DSCAM: variants seen among roughly 807,000 people sequenced by gnomAD.
DSCAM encodes DS cell adhesion molecule, also known as cell adhesion molecule DSCAM.
A neutral mutation model predicts 217.7 loss-of-function variants in DSCAM; 47 were observed. The ratio of observed to expected loss-of-function variants is 0.22; its 90% CI spans 0.17 to 0.28. The LOEUF (loss-of-function observed/expected upper bound fraction) is 0.28. Ranked by LOEUF, DSCAM falls within the 10% of genes least tolerant of loss-of-function variation. The pLI is 1.00. For missense variants in DSCAM, 2,080 were observed against 2,618.3 expected, an observed-to-expected ratio of 0.79 and a Z score of 4.49; for synonymous variants, 1,056 against 1,015.3, an observed-to-expected ratio of 1.04 and a Z score of -0.76.
chr21:40,419,437 C>T (rs1453443096), intron 3 of DSCAM, among the ~76,000 whole-genome samples: 1 of 152,106 alleles, frequency 6.6e-6, no homozygotes, highest in Admixed American at 6.6e-5. Flanking sequence ...AGTTTTCTAA[C>T]TGTGCAGGCT....
intron 8 of DSCAM, among the ~76,000 whole-genome samples, chr21:40,334,975 C>A (rs989537103): frequency 6.6e-6 from 1 of 152,032 alleles, no homozygotes; most frequent in African/African-American, 2.4e-5. Context: ...TGACTCAGGG[C>A]CTTTTAGTGT....
intron 3 of DSCAM, among the ~76,000 whole-genome samples, chr21:40,493,863 CAA>C (rs57564776): frequency 0.012 from 1,504 of 125,396 alleles, 29 homozygotes; most frequent in East Asian, 0.049. Context: ...AACTCCATCT[CAA>C]AAAAAAAAAA....
intron 3 of DSCAM, among the ~76,000 whole-genome samples, chr21:40,541,709 G>A (rs1016885236): frequency 6.6e-6 from 1 of 152,092 alleles, no homozygotes; most frequent in Non-Finnish European, 1.5e-5. Flanking sequence ...GTCATTACAT[G>A]TATTAAAATG....
In DSCAM at chr21:40,417,624, G is replaced by C. The variant is rs140667890; in HGVS notation, c.509-48379C>G. 2.1e-3 allele frequency among the ~76,000 whole-genome samples: 318 copies of C among 152,084 alleles called. 1 individual carries two copies. The highest frequency in any genetic ancestry group is 7.3e-3 in the African/African-American group (303 of 41,488). ...TAAATAACTCATATTTTATCTTATT[G>C]CTATAGTATGGAATTTAGCTATAAT... On this transcript the variant is annotated intron_variant, in intron 3 of 32. Transcript: ENST00000400454.
chr21:40,221,314 C>T (rs1432579401), intron 11 of DSCAM, among the ~76,000 whole-genome samples: 1 of 151,604 alleles, frequency 6.6e-6, no homozygotes, highest in African/African-American at 2.4e-5. Context: ...TTACTCAGAT[C>T]CAAGATCTAG....
At chr21:40,162,397 T>C (rs991022243) in intron 16 of DSCAM, among the ~76,000 whole-genome samples, 1 of 152,198 alleles carries the variant, frequency 6.6e-6, no homozygotes, top group Non-Finnish European at 1.5e-5. Flanking sequence ...AAGACTGCCT[T>C]TTCCAAGGTA....
chr21:40,310,979 T>C (rs1360888519), intron 9 of DSCAM, among the ~76,000 whole-genome samples: 1 of 152,182 alleles, frequency 6.6e-6, no homozygotes, highest in Non-Finnish European at 1.5e-5. Flanking sequence ...AGTTTCTTCC[T>C]ATGACTTCTA....
At chr21:40,627,305 A>G (rs930312117) in intron 3 of DSCAM, among the ~76,000 whole-genome samples, 2 of 152,252 alleles carry the variant, frequency 1.3e-5, no homozygotes, top group Non-Finnish European at 2.9e-5. Flanking sequence ...ACCAAATCTT[A>G]AAAATTATGT....
intron 3 of DSCAM, among the ~76,000 whole-genome samples, chr21:40,576,783 G>A (rs752818627): frequency 2.6e-5 from 4 of 151,886 alleles, no homozygotes; most frequent in Admixed American, 6.6e-5. Context: ...CAATTTTTAC[G>A]TAAGGTTCAA....
intron 3 of DSCAM, among the ~76,000 whole-genome samples, chr21:40,577,482 C>CG (rs1371902102): frequency 6.6e-6 from 1 of 152,240 alleles, no homozygotes; most frequent in East Asian, 1.9e-4. Flanking sequence ...GCTGTCCTTC[C>CG]GGGGGAGCCC....
At chr21:40,177,375 T>G (rs2090745479) in intron 15 of DSCAM, among the ~76,000 whole-genome samples, 1 of 152,180 alleles carries the variant, frequency 6.6e-6, no homozygotes, top group Non-Finnish European at 1.5e-5. Flanking sequence ...AATCCAAGTC[T>G]CAGAAATGGC....
intron 11 of DSCAM, among the ~76,000 whole-genome samples, chr21:40,247,877 G>A (rs564490067): frequency 2.0e-5 from 3 of 152,142 alleles, no homozygotes; most frequent in Non-Finnish European, 2.9e-5. Flanking sequence ...CCCCTGCAGC[G>A]AACTTTTGCC....
intron 9 of DSCAM, among the ~76,000 whole-genome samples, chr21:40,298,232 C>T (rs1192917411): frequency 1.3e-5 from 2 of 151,948 alleles, no homozygotes; most frequent in Non-Finnish European, 2.9e-5. Flanking sequence ...AGGTGCCTGC[C>T]ATCACGCCCA....
chr21:40,593,783 G>A (rs912284439), intron 3 of DSCAM, among the ~76,000 whole-genome samples: 3 of 152,172 alleles, frequency 2.0e-5, no homozygotes, highest in Non-Finnish European at 4.4e-5. Context: ...TTACACACAG[G>A]AAATGGAGGT....
rs182237408 is a variant in DSCAM, at chr21:40,415,304, C to T, written c.509-46059G>A. 5.9e-5 allele frequency among the ~76,000 whole-genome samples: 9 copies of T among 152,248 alleles called. No individual in the cohort carries two copies. In the East Asian group the frequency reaches 9.6e-4, roughly 16 times the overall value. ...AGGACAAAATAGCAGTGCAACATGGCGGAATATAAAAGGGCACTGTCATCT... is the reference window on the plus strand; with the variant it reads ...AGGACAAAATAGCAGTGCAACATGGTGGAATATAAAAGGGCACTGTCATCT... On this transcript the variant is annotated intron_variant, in intron 3 of 32. Coordinates refer to ENST00000400454, the MANE Select transcript of DSCAM (RefSeq NM_001389.5).
At position 40,078,967 on chromosome 21, in the gene DSCAM, G is replaced by A; in HGVS notation, c.4431C>T (p.Phe1477=). 2 of 1,613,634 alleles carry A rather than the reference G, an allele frequency of 1.2e-6. No individual in the cohort carries two copies. The highest frequency in any genetic ancestry group is 1.7e-6 in the Non-Finnish European group (2 of 1,179,578). ...TGGCAAACAGCTCCTGCTCCTTTGA[G>A]AACTGGGGCTCTGGGGGAGAAGGCA... The part of the protein sequence containing the change: ...EAKTLGKEPQ[F]SKEQELFASI... The change falls in exon 26 of 33, where the codon TTC becomes TTT. Residue 1477 remains phenylalanine, a synonymous_variant. Coordinates refer to ENST00000400454, the MANE Select transcript of DSCAM (RefSeq NM_001389.5).
At chr21:40,145,770 G>A (rs907438224) in intron 16 of DSCAM, among the ~76,000 whole-genome samples, 5 of 152,026 alleles carry the variant, frequency 3.3e-5, no homozygotes, top group Admixed American at 1.3e-4. Context: ...ACTTGAACCC[G>A]GGAGGCGGAG....
At chr21:40,715,384 T>A (rs2090830712) in intron 1 of DSCAM, among the ~76,000 whole-genome samples, 1 of 152,184 alleles carries the variant, frequency 6.6e-6, no homozygotes, top group Admixed American at 6.5e-5. Flanking sequence ...GAGTTTGGCC[T>A]CCAGGGCCAG....
intron 2 of DSCAM, among the ~76,000 whole-genome samples, chr21:40,699,338 C>T (rs73358383): frequency 0.032 from 4,813 of 152,154 alleles, 233 homozygotes; most frequent in African/African-American, 0.11. Context: ...TGAGACACAA[C>T]AATACTGAAA....
Sources: allele counts gnomAD v4.1 joint callset (sites outside exome capture counted in the v4.1 genomes callset), GRCh38; gene constraint gnomAD v4.1.1; transcripts MANE v1.5; gene names NCBI Gene and HGNC (gene_info 2026-07-23, HGNC 2026-07-21).